PRPSAP2: variants seen among roughly 807,000 people sequenced by gnomAD.
PRPSAP2 encodes the protein phosphoribosyl pyrophosphate synthase-associated protein 2.
A neutral mutation model predicts 40.6 loss-of-function variants in PRPSAP2; 24 were observed. The ratio of observed to expected loss-of-function variants is 0.59; its 90% CI spans 0.43 to 0.83. The LOEUF (loss-of-function observed/expected upper bound fraction) is 0.83. PRPSAP2 is among the 40% of genes least tolerant of loss of function. The pLI is 0.00. For synonymous variants in PRPSAP2, 149 were observed against 164.7 expected, an observed-to-expected ratio of 0.90 and a Z score of 0.73; for missense variants, 292 against 465.6, an observed-to-expected ratio of 0.63 and a Z score of 3.43.
chr17:18,926,317 A>G (rs1221188257), intron 10 of PRPSAP2, among the ~76,000 whole-genome samples: 1 of 150,236 alleles, frequency 6.7e-6, no homozygotes, highest in Non-Finnish European at 1.5e-5. Context: ...CCCAGGCTGG[A>G]GTGCAGTGGC....
chr17:18,885,922 C>T (rs532539232), intron 7 of PRPSAP2, among the ~76,000 whole-genome samples: 8 of 152,140 alleles, frequency 5.3e-5, no homozygotes, highest in African/African-American at 1.2e-4. Flanking sequence ...AGGGTTTCAC[C>T]GTGTTGGCCA....
intron 8 of PRPSAP2, among the ~76,000 whole-genome samples, chr17:18,898,130 C>G (rs1206436483): frequency 6.6e-6 from 1 of 151,228 alleles, no homozygotes; most frequent in East Asian, 2.0e-4. Context: ...TCCCAAGTAG[C>G]TGGGACTATA....
chr17:18,879,191 G>A lies in PRPSAP2; in HGVS notation c.412+1321G>A, dbSNP rs371850831. ...AGCCTGAATGTATATGATTTTAGAA[G>A]GTATGTATCACGGAGCATTTGCACA... On this transcript the variant is annotated intron_variant, in intron 6 of 11. Coordinates refer to ENST00000268835, the MANE Select transcript of PRPSAP2 (RefSeq NM_002767.4). Among the ~76,000 whole-genome samples the A allele has an allele frequency of 2.5e-4, 38 of 152,216 alleles. 1 individual carries two copies. In the East Asian group the frequency reaches 5.0e-3, roughly 20 times the overall value.
intron 6 of PRPSAP2, among the ~76,000 whole-genome samples, chr17:18,878,701 GCA>G (rs1267441750): frequency 1.3e-5 from 2 of 152,054 alleles, no homozygotes; most frequent in African/African-American, 4.8e-5. Flanking sequence ...GGGATTACAG[GCA>G]TGCGCCACCA....
intron 5 of PRPSAP2, among the ~76,000 whole-genome samples, chr17:18,875,618 C>A (rs2038234709): frequency 6.6e-6 from 1 of 151,310 alleles, no homozygotes. Flanking sequence ...AATCCCAGAG[C>A]TTTGGGAGGC....
intron 9 of PRPSAP2, among the ~76,000 whole-genome samples, chr17:18,918,312 CAG>C (rs2041482679): frequency 6.6e-6 from 1 of 152,180 alleles, no homozygotes; most frequent in South Asian, 2.1e-4. Context: ...AGGCCATCCT[CAG>C]AGTGGACCCA....
intron 8 of PRPSAP2, among the ~76,000 whole-genome samples, chr17:18,900,454 T>C (rs188936791): frequency 1.4e-3 from 217 of 152,346 alleles, no homozygotes; most frequent in Admixed American, 3.4e-3. Flanking sequence ...ATCTTTGTTA[T>C]ACAGTTTCAG....
chr17:18,904,320 T>C (rs1403207626), intron 8 of PRPSAP2: 2 of 151,898 alleles, frequency 1.3e-5, no homozygotes, highest in African/African-American at 4.8e-5. Context: ...AGTGGTGTGA[T>C]CTCGGCTCAC....
intron 4 of PRPSAP2, among the ~76,000 whole-genome samples, chr17:18,870,588 C>T (rs994164625): frequency 2.6e-5 from 4 of 151,860 alleles, no homozygotes; most frequent in African/African-American, 9.7e-5. Context: ...GTGGGTGGAT[C>T]ACTTGAGACC....
intron 5 of PRPSAP2, among the ~76,000 whole-genome samples, 196 bp downstream of exon 5, chr17:18,872,845 C>T (rs1030879780): frequency 1.3e-5 from 2 of 151,508 alleles, no homozygotes; most frequent in Non-Finnish European, 1.5e-5. Flanking sequence ...TTCCTTCTTT[C>T]TTTCTTTTTT....
At chr17:18,878,287 G>A (rs2038450765) in intron 6 of PRPSAP2, among the ~76,000 whole-genome samples, 1 of 152,128 alleles carries the variant, frequency 6.6e-6, no homozygotes, top group African/African-American at 2.4e-5. Context: ...CAATCCCAAT[G>A]CTTTGGGAAG....
chr17:18,918,895 A>G (rs955197342), intron 9 of PRPSAP2, among the ~76,000 whole-genome samples: 2 of 152,188 alleles, frequency 1.3e-5, no homozygotes, highest in African/African-American at 4.8e-5. Flanking sequence ...TGATATGTTG[A>G]ATCAAATCAA....
chr17:18,917,546 GTATTATTATTATTATTATTATTAT>G, intron 9 of PRPSAP2: 1 of 48,964 alleles, frequency 2.0e-5, no homozygotes, highest in Non-Finnish European at 4.0e-5. Flanking sequence ...GGTAATTTTG[GTATTATTATTATTATTATTATTAT>G]TATTATTATT....
At chr17:18,912,945 C>T (rs1197819701) in intron 9 of PRPSAP2, among the ~76,000 whole-genome samples, 2 of 152,216 alleles carry the variant, frequency 1.3e-5, no homozygotes, top group Non-Finnish European at 2.9e-5. Context: ...ACTCAAAGCC[C>T]CGCCTTCCAC....
intron 6 of PRPSAP2, among the ~76,000 whole-genome samples, chr17:18,878,782 C>T (rs184629329): frequency 7.9e-4 from 121 of 152,296 alleles, no homozygotes; most frequent in Admixed American, 5.1e-3. Flanking sequence ...GTCTCAAACT[C>T]CCGACCCCGC....
chr17:18,901,972 C>T (rs796946382), intron 8 of PRPSAP2, among the ~76,000 whole-genome samples: 4 of 152,094 alleles, frequency 2.6e-5, no homozygotes, highest in African/African-American at 7.2e-5. Context: ...TTTGTAGCAA[C>T]GGGATCTCCC....
intron 8 of PRPSAP2, among the ~76,000 whole-genome samples, chr17:18,897,990 G>GC (rs2040020060): frequency 1.2e-5 from 1 of 82,036 alleles, no homozygotes; most frequent in Non-Finnish European, 2.5e-5. Flanking sequence ...TAGAATTTTT[G>GC]CTTTTTTTTT....
In PRPSAP2 at chr17:18,930,794, C is replaced by T; in HGVS notation, c.*96C>T. 1 of 1,127,118 alleles carries T rather than the reference C, an allele frequency of 8.9e-7. No individual in the cohort carries two copies. The allele number at this position is 1,127,118 out of a possible 1,614,324, so 69.8% of individuals were successfully genotyped here. A position where few individuals can be genotyped will look rare whatever the true frequency, so the allele number is the denominator to read the frequency against. ...CACAGGAACCGTCATGCTTGTTCCT[C>T]CCTCTCCCCTGTAACCTCACTTCTT... On this transcript the variant is annotated 3_prime_UTR_variant, in exon 12 of 12. Transcript: ENST00000268835.
chr17:18,864,834 C>T (rs1454314264), intron 1 of PRPSAP2: 1 of 152,004 alleles, frequency 6.6e-6, no homozygotes, highest in Non-Finnish European at 1.5e-5. Context: ...GTGATGAGGA[C>T]ACTCAGCAAT....
Sources: allele counts gnomAD v4.1 joint callset (sites outside exome capture counted in the v4.1 genomes callset), GRCh38; gene constraint gnomAD v4.1.1; transcripts MANE v1.5; gene names NCBI Gene and HGNC (gene_info 2026-07-23, HGNC 2026-07-21).